The following HLTF variants were observed in gnomAD, a reference collection of about 807,000 sequenced individuals.
HLTF encodes the protein helicase like transcription factor.
HLTF carries 127 observed loss-of-function variants against 129.4 expected under a neutral mutation model. The ratio of observed to expected loss-of-function variants is 0.98; its 90% confidence interval spans 0.85 to 1.14. The LOEUF is 1.14. HLTF is among the 50% of genes most tolerant of loss of function. The pLI, the probability that HLTF is intolerant of heterozygous loss-of-function variation, is 0.00. For synonymous variants in HLTF, 332 were observed against 388.8 expected, an observed-to-expected ratio of 0.85 and a Z score of 1.72; for missense variants, 1,139 against 1,187.1, an observed-to-expected ratio of 0.96 and a Z score of 0.60.
chr3:149,060,859 C>A lies in HLTF; in HGVS notation c.1161-1G>T, dbSNP rs1717881980. The A allele has an allele frequency of 1.2e-6, 2 of 1,606,208 alleles. No individual in the cohort carries two copies. The highest frequency in any genetic ancestry group is 1.3e-5 in the African/African-American group (1 of 74,582). ...TATGTACTGGACAGCAGTTTTTCTT[C>A]TAAAATTAAGTATACACAAAGAAAT... On this transcript the variant is annotated splice_acceptor_variant, in intron 10 of 24. Transcript: ENST00000310053. LOFTEE classifies it high-confidence loss of function.
At chr3:149,069,118 A>G (rs1182924847) in intron 7 of HLTF, among the ~76,000 whole-genome samples, 2 of 152,180 alleles carry the variant, frequency 1.3e-5, no homozygotes, top group African/African-American at 4.8e-5. Context: ...ACTAAGGTAT[A>G]TTAGTACTAG....
At position 149,032,000 on chromosome 3, in the gene HLTF, T is replaced by C. The variant is rs986244337; in HGVS notation, c.*220A>G. The C allele has an allele frequency of 1.7e-4, 55 of 326,384 alleles. No individual in the cohort carries two copies. Among genetic ancestry groups the C allele is most frequent in the African/African-American group, 1.1e-3 (53 of 47,080 alleles). The allele number at this position is 326,384 out of a possible 1,614,324, so 20.2% of individuals were successfully genotyped here. On this transcript the variant is annotated 3_prime_UTR_variant, in exon 25 of 25. Coordinates refer to ENST00000310053, the MANE Select transcript of HLTF (RefSeq NM_003071.4). ...CAAAGTAACCTTTTTTCTCAAATTA[T>C]TTCAGGCCACAGTATATAACGGAAC...
chr3:149,082,408 G>A (rs536573084), intron 2 of HLTF, among the ~76,000 whole-genome samples: 102 of 152,256 alleles, frequency 6.7e-4, no homozygotes, highest in African/African-American at 2.3e-3. Flanking sequence ...GCAATGAGCC[G>A]AGATCCCGCC....
Position 149,084,728 on chromosome 3 carries a change from C to A in HLTF, c.182G>T (p.Gly61Val), listed in dbSNP as rs372946042. ...SDEEVDSVLF[G>V]SLRGHVVGLR... ...TCCAACCACATGACCTCTCAAACTT[C>A]CAAATAAAACGGAATCTACTTCTTC... The change falls in exon 2 of 25, where the codon GGA becomes GTA. Residue 61 changes from glycine to valine, a missense_variant. Transcript: ENST00000310053. 2.5e-6 allele frequency: 4 copies of A among 1,613,946 alleles called. No individual in the cohort carries two copies. Among genetic ancestry groups the A allele is most frequent in the Non-Finnish European group, 2.5e-6 (3 of 1,179,988 alleles).
At chr3:149,070,152 A>T (rs1463527440) in intron 7 of HLTF, among the ~76,000 whole-genome samples, 4 of 152,252 alleles carry the variant, frequency 2.6e-5, no homozygotes, top group Admixed American at 2.6e-4. Flanking sequence ...TTAACCTTTA[A>T]TAAACTAATA....
At chr3:149,041,165 T>C (rs1174635916) in intron 20 of HLTF, among the ~76,000 whole-genome samples, 2 of 152,198 alleles carry the variant, frequency 1.3e-5, no homozygotes, top group African/African-American at 4.8e-5. Flanking sequence ...AATACAAATG[T>C]ATTAAAATTA....
chr3:149,046,845 T>C (rs1289221365), intron 17 of HLTF, among the ~76,000 whole-genome samples: 1 of 152,182 alleles, frequency 6.6e-6, no homozygotes, highest in Admixed American at 6.5e-5. Flanking sequence ...AAGAGATGTA[T>C]CAATTCTTGT....
chr3:149,055,308 A>AG lies in HLTF; in HGVS notation c.1467dup (p.Trp490LeufsTer3). 6.2e-7 allele frequency: 1 copy of AG among 1,608,246 alleles called. No individual in the cohort carries two copies. Among genetic ancestry groups the AG allele is most frequent in the African/African-American group, 1.3e-5 (1 of 74,942 alleles). ...TAAAGGGCTTAAAGACTTACAATCCAGTTGCTTAACACAGAAAGCGGACAG... is the reference window on the plus strand; with the variant it reads ...TAAAGGGCTTAAAGACTTACAATCCAGGTTGCTTAACACAGAAAGCGGACAG... On this transcript the variant is annotated frameshift_variant, in exon 14 of 25. Transcript: ENST00000310053. LOFTEE classifies it high-confidence loss of function.
Position 149,083,232 on chromosome 3 carries a change from T to C in HLTF, c.228+1450A>G, listed in dbSNP as rs146496123. On this transcript the variant is annotated intron_variant, in intron 2 of 24. Transcript: ENST00000310053. ...CACCATTGCACTCCAGCCTGGGCAATGCAAGCAAGACTCCGTTTCAAAAAA... is the reference window on the plus strand; with the variant it reads ...CACCATTGCACTCCAGCCTGGGCAACGCAAGCAAGACTCCGTTTCAAAAAA... Among the ~76,000 whole-genome samples, 715 of 151,048 alleles carry C rather than the reference T, an allele frequency of 4.7e-3. 5 individuals carry two copies. Among genetic ancestry groups the C allele is most frequent in the African/African-American group, 0.016 (671 of 41,114 alleles).
intron 21 of HLTF, 121 bp from the exon 22 acceptor site, chr3:149,039,814 C>A: frequency 3.0e-6 from 2 of 664,984 alleles, no homozygotes; most frequent in Non-Finnish European, 4.8e-6. Context: ...AAAGACTACT[C>A]ATTTAAAACA....
intron 2 of HLTF, among the ~76,000 whole-genome samples, chr3:149,082,739 A>G (rs557296241): frequency 7.9e-5 from 12 of 152,392 alleles, no homozygotes; most frequent in Non-Finnish European, 1.5e-4. Context: ...TATTATTTTT[A>G]TAATAGTGAT....
chr3:149,075,247 G>A (rs148256506), intron 3 of HLTF, among the ~76,000 whole-genome samples: 11 of 152,262 alleles, frequency 7.2e-5, no homozygotes, highest in East Asian at 5.8e-4. Context: ...TATAACCTCT[G>A]ATATAAACAA....
At chr3:149,082,364 C>G (rs1003837242) in intron 2 of HLTF, among the ~76,000 whole-genome samples, 2 of 152,112 alleles carry the variant, frequency 1.3e-5, no homozygotes, top group Non-Finnish European at 2.9e-5. Context: ...GAGGCTGAGG[C>G]AGGAGAATGG....
rs768467606 is a variant in HLTF at position 149,041,643 on chromosome 3, T to C, written c.2223A>G (p.Arg741=). Residue 741 remains arginine, a synonymous_variant, in exon 20 of 25, where the codon AGA becomes AGG. Coordinates refer to ENST00000310053, the MANE Select transcript of HLTF (RefSeq NM_003071.4). ...ACTTCATCTTCCTTATTAACTTCTT[T>C]CTCAGTTCTTCAGGTGTATCATTTC... ...PSGNDTPEEL[R]KKLIRKMKLI... is the part of the protein sequence containing the mutation. 1.1e-5 allele frequency: 17 copies of C among 1,611,728 alleles called. No homozygotes were observed. Among genetic ancestry groups the C allele is most frequent in the Non-Finnish European group, 1.4e-5 (16 of 1,178,312 alleles).
At chr3:149,076,254 G>A (rs962942028) in intron 2 of HLTF, among the ~76,000 whole-genome samples, 3 of 151,768 alleles carry the variant, frequency 2.0e-5, no homozygotes, top group Non-Finnish European at 4.4e-5. Context: ...ATATTCATTA[G>A]GAAGTTAACA....
In HLTF at chr3:149,046,230, G is replaced by GT. The variant is rs756822122; in HGVS notation, c.1921dup (p.Thr641AsnfsTer3). On this transcript the variant is annotated frameshift_variant, in exon 18 of 25. Transcript: ENST00000310053. LOFTEE classifies it high-confidence loss of function. ...TTTGCTTGTCTTTGTTCTTCTAAGT[G>GT]TAATATTTTTAATTAGGGACTGTAA... 1 of 1,587,896 alleles carries GT rather than the reference G, an allele frequency of 6.3e-7. No individual in the cohort carries two copies. The highest frequency in any genetic ancestry group is 1.7e-5 in the Admixed American group (1 of 57,576).
intron 7 of HLTF, 138 bp downstream of exon 7, chr3:149,071,114 A>T (rs1718817250): frequency 3.8e-6 from 2 of 520,290 alleles, no homozygotes; most frequent in East Asian, 6.2e-5. Context: ...TACAGGAAAA[A>T]CTGTGTTCTA....
chr3:149,037,467 C>CAA (rs71135657), intron 23 of HLTF, among the ~76,000 whole-genome samples: 3,275 of 99,440 alleles, frequency 0.033, 63 homozygotes, highest in South Asian at 0.06. Context: ...GACTCTGTCT[C>CAA]AAAAAAAAAA....
chr3:149,038,826 T>C (rs1715868575), intron 23 of HLTF, among the ~76,000 whole-genome samples: 1 of 152,184 alleles, frequency 6.6e-6, no homozygotes, highest in Non-Finnish European at 1.5e-5. Context: ...ACAGAGCATT[T>C]AATAATGGTA....
Sources: gnomAD v4.1 joint callset for allele counts (sites outside exome capture counted in the v4.1 genomes callset) on GRCh38, gnomAD v4.1.1 for gene constraint, MANE v1.5 for transcripts, NCBI Gene and HGNC (gene_info 2026-07-23, HGNC 2026-07-21) for gene names.